ARRDC1: variants seen among roughly 807,000 people sequenced by gnomAD.
The protein encoded by ARRDC1 is arrestin domain-containing protein 1.
A neutral mutation model predicts 40.1 loss-of-function variants in ARRDC1; 37 were observed. The observed-to-expected ratio is 0.92, with a 90% CI of 0.71 to 1.21. ARRDC1 has a LOEUF of 1.21. Among genes scored for constraint, ARRDC1 ranks in the 50% most tolerant of loss-of-function variants. ARRDC1 has a pLI of 0.00. For missense variants in ARRDC1, 641 were observed against 581.9 expected, an observed-to-expected ratio of 1.10 and a Z score of -1.04; for synonymous variants, 310 against 262.5, an observed-to-expected ratio of 1.18 and a Z score of -1.75.
intron 3 of ARRDC1, 30 bp from the exon 4 acceptor site, chr9:137,613,585 G>A: frequency 6.2e-7 from 1 of 1,614,142 alleles, no homozygotes. Context: ...GTGGAAGGCA[G>A]CCAGGTACCA....
At position 137,613,455 on chromosome 9, in the gene ARRDC1, T is replaced by G; in HGVS notation, c.230-5T>G. The G allele has an allele frequency of 6.2e-7, 1 of 1,611,110 alleles. No individual in the cohort carries two copies. Among genetic ancestry groups the G allele is most frequent in the Non-Finnish European group, 8.5e-7 (1 of 1,179,652 alleles). ...CTGCCCCCCACCTCCCTCCTGTCTC[T>G]GCAGGGAGCCTGCCCGCTGGAGAGC... On this transcript the variant is annotated splice_polypyrimidine_tract_variant and splice_region_variant and intron_variant, in intron 2 of 7. Transcript: ENST00000371421.
chr9:137,613,607 C>T lies in ARRDC1; in HGVS notation c.281-8C>T, dbSNP rs1842585255. On this transcript the variant is annotated splice_polypyrimidine_tract_variant and splice_region_variant and intron_variant, in intron 3 of 7. Transcript: ENST00000371421. ...GCAGCCAGGTACCAGTGCCTGCTCT[C>T]TCCCCAGCCACTGCACCCACGTCCT... is the stretch of plus-strand genomic sequence containing the variant. 3.1e-6 allele frequency: 5 copies of T among 1,614,210 alleles called. No homozygotes were observed. The highest frequency in any genetic ancestry group is 8.5e-7 in the Non-Finnish European group (1 of 1,180,032).
Position 137,614,411 on chromosome 9 carries a change from T to G in ARRDC1, c.731T>G (p.Val244Gly), listed in dbSNP as rs1298427043. The G allele has an allele frequency of 1.2e-6, 2 of 1,613,074 alleles. No homozygotes were observed. Among genetic ancestry groups the G allele is most frequent in the Non-Finnish European group, 1.7e-6 (2 of 1,179,924 alleles). The change falls in exon 6 of 8, where the codon GTG becomes GGG. Residue 244 changes from valine (V) to glycine (G), a missense_variant. Val to Gly is a moderately radical substitution (Grantham distance 109). Coordinates refer to ENST00000371421, the MANE Select transcript of ARRDC1 (RefSeq NM_152285.4). ...GCGCAGTGGCACGAGCAGATCCTGG[T>G]GCCTGCCTTGCCCCAGTCGGCCCTG... ...RRAQWHEQIL[V>G]PALPQSALPG...
At chr9:137,612,349 G>A (rs1842540556) in intron 1 of ARRDC1, 1 of 160,226 alleles carries the variant, frequency 6.2e-6, no homozygotes, top group South Asian at 1.8e-4. Context: ...CCGCTGGGCA[G>A]TGCTCGCCCA....
chr9:137,614,050 GCCA>G lies in ARRDC1; in HGVS notation c.458_460del (p.Thr153del). ...CCCCAAGCAACCCAACGTGGCCTCT[GCCA>G]CCAAGAAGTTCTCCTACAAGCTGGT... On this transcript the variant is annotated inframe_deletion, in exon 5 of 8. Transcript: ENST00000371421. 6.2e-7 allele frequency: 1 copy of G among 1,613,714 alleles called. No individual in the cohort carries two copies. The highest frequency in any genetic ancestry group is 8.5e-7 in the Non-Finnish European group (1 of 1,179,964).
Position 137,605,795 on chromosome 9 carries a change from G to A in ARRDC1, c.78G>A (p.Gly26=). 7.7e-7 allele frequency: 1 copy of A among 1,304,918 alleles called. No individual in the cohort carries two copies. The highest frequency in any genetic ancestry group is 9.7e-7 in the Non-Finnish European group (1 of 1,027,254). 80.8% of individuals were successfully genotyped at this position (1,304,918 alleles called of 1,614,324 possible). A position where few individuals can be genotyped will look rare whatever the true frequency, so the allele number is the denominator to read the frequency against. The change falls in exon 1 of 8, where the codon GGG becomes GGA. Residue 26 remains glycine, a synonymous_variant. Transcript: ENST00000371421. ...VVYSPGEPLA[G]TVRVRLGAPL... ...ACAGCCCCGGGGAGCCGTTGGCTGGGACCGTGCGCGTGCGCCTGGGGGCAC... is the reference window on the plus strand; with the variant it reads ...ACAGCCCCGGGGAGCCGTTGGCTGGAACCGTGCGCGTGCGCCTGGGGGCAC...
Position 137,610,759 on chromosome 9 carries a change from C to A in ARRDC1, c.119-2137C>A, listed in dbSNP as rs552334505. 3.9e-5 allele frequency among the ~76,000 whole-genome samples: 6 copies of A among 152,326 alleles called. No homozygotes were observed. In the East Asian group the frequency reaches 1.2e-3, roughly 29 times the overall value. On this transcript the variant is annotated intron_variant, in intron 1 of 7. Coordinates refer to ENST00000371421, the MANE Select transcript of ARRDC1 (RefSeq NM_152285.4). ...CGTATTTCTAGTAGAGATGGGGTTT[C>A]TCCATGTCGGTCAGGCTGGTCTGGA... is the stretch of plus-strand genomic sequence containing the variant.
Position 137,605,707 on chromosome 9 carries a change from GA to G in ARRDC1, c.-10del. ...GGGCGTCGCTGCGCGGCTGGCCGGTGAGGCCGCGGCATGGGGCGAGTGCAGC... is the reference window on the plus strand; with the variant it reads ...GGGCGTCGCTGCGCGGCTGGCCGGTGGGCCGCGGCATGGGGCGAGTGCAGC... On this transcript the variant is annotated 5_prime_UTR_variant, in exon 1 of 8. Coordinates refer to ENST00000371421, the MANE Select transcript of ARRDC1 (RefSeq NM_152285.4). The G allele has an allele frequency of 7.4e-7, 1 of 1,353,608 alleles. No individual in the cohort carries two copies. The highest frequency in any genetic ancestry group is 9.5e-7 in the Non-Finnish European group (1 of 1,051,262). 83.8% of individuals were successfully genotyped at this position (1,353,608 alleles called of 1,614,324 possible). A position where few individuals can be genotyped will look rare whatever the true frequency, so the allele number is the denominator to read the frequency against.
At chr9:137,606,402 C>T (rs996029453) in intron 1 of ARRDC1, among the ~76,000 whole-genome samples, 9 of 152,188 alleles carry the variant, frequency 5.9e-5, no homozygotes, top group Non-Finnish European at 1.0e-4. Flanking sequence ...GAGGCTGCCT[C>T]TGCCCGGCCC....
intron 5 of ARRDC1, 32 bp from the exon 6 acceptor site, chr9:137,614,267 C>G: frequency 6.3e-7 from 1 of 1,577,580 alleles, no homozygotes; most frequent in South Asian, 1.2e-5. Context: ...GGCTGGCAGC[C>G]TGCGCAGGCT....
chr9:137,609,740 G>A (rs1027894498), intron 1 of ARRDC1, among the ~76,000 whole-genome samples: 3 of 152,002 alleles, frequency 2.0e-5, no homozygotes, highest in East Asian at 1.9e-4. Flanking sequence ...TACCTAGGCT[G>A]CTGTCACACT....
intron 1 of ARRDC1, among the ~76,000 whole-genome samples, chr9:137,606,130 G>A (rs1842419232): frequency 6.7e-6 from 1 of 149,792 alleles, no homozygotes; most frequent in South Asian, 2.3e-4. Flanking sequence ...GACCCTCCCC[G>A]TCCGCGCTCG....
intron 1 of ARRDC1, among the ~76,000 whole-genome samples, chr9:137,610,025 A>G (rs1285702777): frequency 2.6e-5 from 4 of 151,674 alleles, no homozygotes; most frequent in Non-Finnish European, 5.9e-5. Flanking sequence ...CGTGTCAGCC[A>G]GGATGATCTC....
Position 137,614,888 on chromosome 9 carries a change from C to T in ARRDC1, c.1125C>T (p.Cys375=). Reference sequence around the variant, plus strand: ...CACACCCGCTGCACCCTCCCTTGTGCATTTCAACAGGTGCCACTGTCCCCT... The same window carrying T: ...CACACCCGCTGCACCCTCCCTTGTGTATTTCAACAGGTGCCACTGTCCCCT... ...PASHPLHPPL[C]ISTGATVPYF... Residue 375 remains cysteine, a synonymous_variant, in exon 7 of 8, where the codon TGC becomes TGT. Transcript: ENST00000371421. 2.5e-6 allele frequency: 4 copies of T among 1,613,798 alleles called. No homozygotes were observed. Among genetic ancestry groups the T allele is most frequent in the Non-Finnish European group, 3.4e-6 (4 of 1,180,002 alleles).
chr9:137,606,873 G>T (rs918822997), intron 1 of ARRDC1, among the ~76,000 whole-genome samples: 2 of 152,340 alleles, frequency 1.3e-5, no homozygotes, highest in East Asian at 1.9e-4. Flanking sequence ...CTGGTTGAGG[G>T]CTGTGCAGGA....
At chr9:137,612,702 T>C in intron 1 of ARRDC1, 194 bp from the exon 2 acceptor site, 1 of 560,110 alleles carries the variant, frequency 1.8e-6, no homozygotes, top group Admixed American at 3.2e-5. Flanking sequence ...CTCGCCTGCC[T>C]GATTCCCTTG....
intron 1 of ARRDC1, among the ~76,000 whole-genome samples, chr9:137,610,906 A>G (rs1564500154): frequency 6.6e-6 from 1 of 152,170 alleles, no homozygotes; most frequent in Non-Finnish European, 1.5e-5. Flanking sequence ...CATGTCAGCC[A>G]GGCTGGTCTT....
chr9:137,605,899 C>A, intron 1 of ARRDC1, 64 bp downstream of exon 1: 1 of 1,026,390 alleles, frequency 9.7e-7, no homozygotes, highest in Non-Finnish European at 1.2e-6. Flanking sequence ...CTCCCGGAAG[C>A]GGCTGCCGTC....
chr9:137,609,869 G>A (rs1174951207), intron 1 of ARRDC1, among the ~76,000 whole-genome samples: 1 of 151,892 alleles, frequency 6.6e-6, no homozygotes, highest in African/African-American at 2.4e-5. Context: ...GATTGAAATG[G>A]TAGGTCATTT....
Sources: allele counts gnomAD v4.1 joint callset (sites outside exome capture counted in the v4.1 genomes callset), GRCh38; gene constraint gnomAD v4.1.1; transcripts MANE v1.5; gene names NCBI Gene and HGNC (gene_info 2026-07-23, HGNC 2026-07-21).